ENTREP2: variants seen among roughly 807,000 people sequenced by gnomAD.
ENTREP2 encodes protein ENTREP2.
the ENTREP2 span, chr15:29,122,492 C>T: frequency 3.9e-5 from 6 of 152,196 alleles, no homozygotes; most frequent in African/African-American, 1.4e-4. Flanking sequence ...AGAACTGTGA[C>T]CCGCTGAGCT....
chr15:29,644,430 T>C, the ENTREP2 span, among the ~76,000 whole-genome samples: 2 of 152,228 alleles, frequency 1.3e-5, no homozygotes, highest in Admixed American at 1.3e-4. Flanking sequence ...GATATCTCAA[T>C]AAAGCCGGTT....
the ENTREP2 span, among the ~76,000 whole-genome samples, chr15:29,502,617 AT>A: frequency 9.3e-4 from 142 of 152,170 alleles, no homozygotes; most frequent in Non-Finnish European, 1.2e-3. Context: ...TAAAACTTTT[AT>A]GTTTCAATCA....
the ENTREP2 span, among the ~76,000 whole-genome samples, chr15:29,664,895 T>C: frequency 6.6e-6 from 1 of 152,238 alleles, no homozygotes; most frequent in Admixed American, 6.5e-5. Flanking sequence ...GGGATGCAGC[T>C]GCGCCCAGCA....
At chr15:29,188,766 T>C in the ENTREP2 span, among the ~76,000 whole-genome samples, 181 of 152,328 alleles carry the variant, frequency 1.2e-3, no homozygotes, top group Middle Eastern at 0.024. Flanking sequence ...CAAGCCATGA[T>C]GACGAGCTTG....
chr15:29,464,683 C>T, the ENTREP2 span, among the ~76,000 whole-genome samples: 6 of 152,178 alleles, frequency 3.9e-5, no homozygotes, highest in African/African-American at 1.2e-4. Context: ...TTAACACAGT[C>T]GCTCGTGGAC....
chr15:29,400,160 A>G, the ENTREP2 span, among the ~76,000 whole-genome samples: 1 of 152,238 alleles, frequency 6.6e-6, no homozygotes, highest in South Asian at 2.1e-4. Flanking sequence ...AAGCACAAAG[A>G]GATTAAGTGA....
chr15:29,144,100 G>A, the ENTREP2 span, among the ~76,000 whole-genome samples: 1 of 152,208 alleles, frequency 6.6e-6, no homozygotes, highest in Admixed American at 6.5e-5. Flanking sequence ...TAAGAAGAAA[G>A]TCATGCTGAG....
the ENTREP2 span, among the ~76,000 whole-genome samples, chr15:29,417,850 C>T: frequency 6.6e-6 from 1 of 152,070 alleles, no homozygotes; most frequent in African/African-American, 2.4e-5. Flanking sequence ...GCATTCACTG[C>T]TTCTTTAATT....
chr15:29,257,466 G>A, the ENTREP2 span, among the ~76,000 whole-genome samples: 7 of 152,298 alleles, frequency 4.6e-5, no homozygotes, highest in African/African-American at 1.7e-4. Flanking sequence ...GCAACGAACT[G>A]CCTTGTTCAT....
chr15:29,465,236 A>G, the ENTREP2 span, among the ~76,000 whole-genome samples: 1 of 152,086 alleles, frequency 6.6e-6, no homozygotes, highest in Non-Finnish European at 1.5e-5. Flanking sequence ...AGCAGAAAAA[A>G]GAGCTATGCA....
chr15:29,342,468 T>C, the ENTREP2 span, among the ~76,000 whole-genome samples: 2 of 152,228 alleles, frequency 1.3e-5, no homozygotes, highest in Admixed American at 6.5e-5. Flanking sequence ...CCTTCCGATG[T>C]ACAGGTCTCT....
the ENTREP2 span, chr15:29,269,024 CA>C: frequency 6.2e-7 from 1 of 1,614,140 alleles, no homozygotes; most frequent in Non-Finnish European, 8.5e-7. Flanking sequence ...CGCTGTCGCA[CA>C]AAGTCCTCAG....
the ENTREP2 span, among the ~76,000 whole-genome samples, chr15:29,563,298 T>C: frequency 6.6e-6 from 1 of 152,218 alleles, no homozygotes; most frequent in African/African-American, 2.4e-5. Context: ...ATATTGAACC[T>C]CCTTTGCCTG....
chr15:29,635,583 G>C, the ENTREP2 span, among the ~76,000 whole-genome samples: 2 of 152,100 alleles, frequency 1.3e-5, no homozygotes, highest in African/African-American at 4.8e-5. Flanking sequence ...AAGGAATAGC[G>C]AGAGAAGGCT....
the ENTREP2 span, among the ~76,000 whole-genome samples, chr15:29,647,490 TTACAGGCAAATGTACTGTAATGTACAG>T: frequency 6.6e-6 from 1 of 152,208 alleles, no homozygotes; most frequent in Non-Finnish European, 1.5e-5. Context: ...CCAGTTTCAC[TTACAGGCAAATGTACTGTAATGTACAG>T]TACAGGCAAA....
chr15:29,484,913 T>C, the ENTREP2 span, among the ~76,000 whole-genome samples: 2 of 152,212 alleles, frequency 1.3e-5, no homozygotes, highest in Admixed American at 6.5e-5. Flanking sequence ...TAACTGGTTA[T>C]GAATTAGAAT....
the ENTREP2 span, among the ~76,000 whole-genome samples, chr15:29,309,828 A>G: frequency 1.3e-5 from 2 of 150,672 alleles, no homozygotes; most frequent in Middle Eastern, 3.2e-3. Context: ...TGCCTATCCC[A>G]TAGGACGACT....
the ENTREP2 span, among the ~76,000 whole-genome samples, chr15:29,438,237 C>T: frequency 6.6e-6 from 1 of 152,202 alleles, no homozygotes; most frequent in African/African-American, 2.4e-5. Context: ...CTTGCACTGT[C>T]CCCAACACAT....
chr15:29,287,751 A>G, the ENTREP2 span, among the ~76,000 whole-genome samples: 4 of 152,224 alleles, frequency 2.6e-5, no homozygotes, highest in Non-Finnish European at 5.9e-5. Flanking sequence ...ATACAATTTG[A>G]CCAATTTACT....
Sources: allele counts gnomAD v4.1 joint callset (sites outside exome capture counted in the v4.1 genomes callset), GRCh38; gene constraint gnomAD v4.1.1; transcripts MANE v1.5; gene names NCBI Gene and HGNC (gene_info 2026-07-23, HGNC 2026-07-21).